CACNA2D3: variants seen among roughly 807,000 people sequenced by gnomAD.
The protein encoded by CACNA2D3 is voltage-dependent calcium channel subunit alpha-2/delta-3.
Under a neutral mutation model 160.6 loss-of-function variants are expected in CACNA2D3, and 60 were observed. That is an observed-to-expected ratio of 0.37 (90% CI 0.30 to 0.46). The LOEUF is 0.46. CACNA2D3 is among the 20% of genes least tolerant of loss of function. The probability of loss-of-function intolerance (pLI) is 1.00; values close to 1 mark genes in which losing one functional copy is unlikely to be tolerated. For missense variants in CACNA2D3, 1,205 were observed against 1,365.0 expected, an observed-to-expected ratio of 0.88 and a Z score of 1.85; for synonymous variants, 558 against 492.9, an observed-to-expected ratio of 1.13 and a Z score of -1.75.
chr3:54,883,812 TCTCTCTCTCTC>T (rs1376885812), intron 21 of CACNA2D3, among the ~76,000 whole-genome samples: 2 of 127,356 alleles, frequency 1.6e-5, no homozygotes, highest in Admixed American at 7.7e-5. Context: ...TCTCTCTCTC[TCTCTCTCTCTC>T]CTCTCTCTCC....
intron 13 of CACNA2D3, among the ~76,000 whole-genome samples, chr3:54,811,714 T>C (rs1040677041): frequency 1.3e-5 from 2 of 152,224 alleles, no homozygotes; most frequent in African/African-American, 4.8e-5. Context: ...TTGGCCATGC[T>C]GGTCTCGAAC....
intron 4 of CACNA2D3, among the ~76,000 whole-genome samples, chr3:54,408,344 A>G (rs1215320440): frequency 6.6e-6 from 1 of 152,146 alleles, no homozygotes; most frequent in Non-Finnish European, 1.5e-5. Flanking sequence ...CAAATGCAAA[A>G]TTAAAATTGC....
At chr3:54,312,907 C>T (rs1224664344) in intron 2 of CACNA2D3, among the ~76,000 whole-genome samples, 2 of 152,212 alleles carry the variant, frequency 1.3e-5, no homozygotes, top group African/African-American at 2.4e-5. Flanking sequence ...CTGCACCAAG[C>T]CGGGGTTAGG....
chr3:54,446,702 G>A (rs1057296490), intron 4 of CACNA2D3, among the ~76,000 whole-genome samples: 9 of 152,048 alleles, frequency 5.9e-5, no homozygotes, highest in African/African-American at 2.2e-4. Context: ...TCATGATGAT[G>A]GTGTCTAATC....
At chr3:54,158,585 G>T (rs994002440) in intron 2 of CACNA2D3, among the ~76,000 whole-genome samples, 11 of 152,184 alleles carry the variant, frequency 7.2e-5, no homozygotes, top group African/African-American at 2.7e-4. Context: ...GGACTAGATG[G>T]ACACCCTTAG....
intron 9 of CACNA2D3, among the ~76,000 whole-genome samples, chr3:54,588,666 AC>A (rs1014226633): frequency 6.6e-6 from 1 of 152,072 alleles, no homozygotes; most frequent in African/African-American, 2.4e-5. Flanking sequence ...AAAACAATGA[AC>A]CTATGGTAAC....
chr3:54,934,513 A>C (rs1701281738), intron 27 of CACNA2D3, among the ~76,000 whole-genome samples: 1 of 152,190 alleles, frequency 6.6e-6, no homozygotes, highest in Admixed American at 6.5e-5. Flanking sequence ...TCCCTTTAGC[A>C]GGCCTTGAGT....
intron 10 of CACNA2D3, among the ~76,000 whole-genome samples, chr3:54,636,378 C>A (rs1035535211): frequency 1.3e-5 from 2 of 151,890 alleles, no homozygotes; most frequent in African/African-American, 4.9e-5. Flanking sequence ...GGATTGAAGT[C>A]CGGGCCAGGA....
intron 27 of CACNA2D3, among the ~76,000 whole-genome samples, chr3:54,923,216 CT>C (rs752044462): frequency 1.3e-5 from 2 of 152,186 alleles, no homozygotes; most frequent in Non-Finnish European, 2.9e-5. Context: ...TTGGCCTTCT[CT>C]GCACACTTCT....
At chr3:54,729,897 G>T (rs1701352956) in intron 11 of CACNA2D3, among the ~76,000 whole-genome samples, 1 of 151,340 alleles carries the variant, frequency 6.6e-6, no homozygotes, top group African/African-American at 2.4e-5. Context: ...TACTCAGGAG[G>T]CTAAGGCAGG....
chr3:54,172,845 A>G (rs921876639), intron 2 of CACNA2D3, among the ~76,000 whole-genome samples: 3 of 152,184 alleles, frequency 2.0e-5, no homozygotes, highest in African/African-American at 7.2e-5. Flanking sequence ...TTACAAAGAG[A>G]AATCAAGTTT....
Position 54,987,738 on chromosome 3 carries a change from T to C in CACNA2D3, c.2675T>C (p.Met892Thr), listed in dbSNP as rs1702647759. The change falls in exon 31 of 38, where the codon ATG becomes ACG. Residue 892 changes from methionine to threonine, a missense_variant. Met to Thr is a moderately conservative substitution (Grantham distance 81). Coordinates refer to ENST00000474759, the MANE Select transcript of CACNA2D3 (RefSeq NM_018398.3). The stretch of plus-strand genomic sequence containing the variant: ...GCTGTGATGAACAAATTGCTAACAA[T>C]GGGCTCCTTTAAAAGGTAAGGGTTT... ...EGAVMNKLLT[M>T]GSFKRITLYD... The C allele has an allele frequency of 6.2e-7, 1 of 1,609,438 alleles. No homozygotes were observed. Among genetic ancestry groups the C allele is most frequent in the Non-Finnish European group, 8.5e-7 (1 of 1,178,372 alleles).
chr3:54,290,349 C>G (rs1051876779), intron 2 of CACNA2D3, among the ~76,000 whole-genome samples: 2 of 152,168 alleles, frequency 1.3e-5, no homozygotes, highest in African/African-American at 4.8e-5. Context: ...CAAATCAAAA[C>G]CACATTGAGA....
chr3:54,408,931 A>G (rs1172096610), intron 4 of CACNA2D3, among the ~76,000 whole-genome samples: 4 of 152,344 alleles, frequency 2.6e-5, no homozygotes, highest in African/African-American at 4.8e-5. Context: ...TTAGATAGGC[A>G]TGTAAGCAAA....
At chr3:54,483,630 AAAC>A (rs1342315896) in intron 4 of CACNA2D3, among the ~76,000 whole-genome samples, 1 of 152,222 alleles carries the variant, frequency 6.6e-6, no homozygotes, top group African/African-American at 2.4e-5. Context: ...TATGAAGTTA[AAAC>A]AACAACCACA....
chr3:54,747,444 T>C (rs995637504), intron 11 of CACNA2D3, among the ~76,000 whole-genome samples: 1 of 152,146 alleles, frequency 6.6e-6, no homozygotes, highest in African/African-American at 2.4e-5. Context: ...TTCAGAATTA[T>C]AAGATTATCA....
chr3:54,241,123 A>G (rs181304376), intron 2 of CACNA2D3, among the ~76,000 whole-genome samples: 67 of 152,326 alleles, frequency 4.4e-4, no homozygotes, highest in Admixed American at 1.2e-3. Flanking sequence ...AATTGGCCCA[A>G]TAGCCAAGAG....
At chr3:54,248,061 T>G (rs982077711) in intron 2 of CACNA2D3, among the ~76,000 whole-genome samples, 1 of 152,242 alleles carries the variant, frequency 6.6e-6, no homozygotes, top group Non-Finnish European at 1.5e-5. Flanking sequence ...TAAGCTGTTA[T>G]GGACTCAGTT....
chr3:54,267,656 A>G (rs1702544927), intron 2 of CACNA2D3, among the ~76,000 whole-genome samples: 1 of 152,180 alleles, frequency 6.6e-6, no homozygotes, highest in African/African-American at 2.4e-5. Flanking sequence ...GTTAAGGTAA[A>G]AGAACACCCA....
Sources: gnomAD v4.1 joint callset for allele counts (sites outside exome capture counted in the v4.1 genomes callset) on GRCh38, gnomAD v4.1.1 for gene constraint, MANE v1.5 for transcripts, NCBI Gene and HGNC (gene_info 2026-07-23, HGNC 2026-07-21) for gene names.